Variants in FHIT observed in about 807,000 individuals in gnomAD.
FHIT encodes the protein fragile histidine triad diadenosine triphosphatase.
A neutral mutation model predicts 17.9 loss-of-function variants in FHIT; 19 were observed. That is an observed-to-expected ratio of 1.06 (90% confidence interval 0.74 to 1.56). The LOEUF (loss-of-function observed/expected upper bound fraction) is 1.56. FHIT is among the 40% of genes most tolerant of loss of function. The pLI is 0.00. For missense variants in FHIT, 248 were observed against 189.2 expected, an observed-to-expected ratio of 1.31 and a Z score of -1.82; for synonymous variants, 81 against 69.7, an observed-to-expected ratio of 1.16 and a Z score of -0.81.
intron 5 of FHIT, among the ~76,000 whole-genome samples, chr3:60,027,364 C>T (rs1700795317): frequency 6.6e-6 from 1 of 152,132 alleles, no homozygotes; most frequent in Non-Finnish European, 1.5e-5. Flanking sequence ...CTAAAATTCA[C>T]TCTCATTTTC....
chr3:61,094,123 A>AGTATGTGTGT (rs1553836697), intron 2 of FHIT, among the ~76,000 whole-genome samples: 3 of 150,170 alleles, frequency 2.0e-5, no homozygotes, highest in African/African-American at 7.3e-5. Flanking sequence ...AATGCAACCA[A>AGTATGTGTGT]GTGTGTGTGT....
intron 5 of FHIT, among the ~76,000 whole-genome samples, chr3:60,067,760 A>T (rs1434645972): frequency 6.6e-6 from 1 of 152,206 alleles, no homozygotes; most frequent in Non-Finnish European, 1.5e-5. Flanking sequence ...CCATCATTAA[A>T]TACCCAGTGA....
intron 5 of FHIT, among the ~76,000 whole-genome samples, chr3:60,511,070 A>G (rs2034934300): frequency 1.3e-5 from 2 of 152,200 alleles, no homozygotes; most frequent in Non-Finnish European, 1.5e-5. Context: ...AGAGTGGTCA[A>G]GAATCTAAAC....
rs550010789 is a variant in FHIT at position 60,475,780 on chromosome 3, A to T, written c.103+61080T>A. Among the ~76,000 whole-genome samples the T allele has an allele frequency of 2.0e-5, 3 of 152,350 alleles. No homozygotes were observed. The East Asian group carries it at 5.8e-4, about 29-fold the overall frequency. On this transcript the variant is annotated intron_variant, in intron 5 of 9. Coordinates refer to ENST00000492590, the MANE Select transcript of FHIT (RefSeq NM_002012.4). ...TCTTGAGTGCTGAGCTGACGCCACA[A>T]GTGGAAAATTCCACCCCTGACCTCA...
chr3:60,932,018 A>G (rs1217506986), intron 3 of FHIT, among the ~76,000 whole-genome samples: 1 of 152,182 alleles, frequency 6.6e-6, no homozygotes, highest in East Asian at 1.9e-4. Context: ...AAGTCTAAAT[A>G]TAAGGTCCCA....
At chr3:60,876,012 A>T (rs1704638477) in intron 3 of FHIT, among the ~76,000 whole-genome samples, 1 of 151,026 alleles carries the variant, frequency 6.6e-6, no homozygotes. Context: ...CCAGGCCTCA[A>T]TGCAATCAGA....
intron 5 of FHIT, among the ~76,000 whole-genome samples, chr3:60,092,590 A>G (rs966275871): frequency 1.1e-4 from 16 of 152,190 alleles, no homozygotes; most frequent in African/African-American, 3.6e-4. Context: ...ATCTCAGACC[A>G]AGGGTAAGTA....
intron 5 of FHIT, among the ~76,000 whole-genome samples, chr3:60,124,009 TAGAGAGAGAGAGAGAGAG>T (rs1168094593): frequency 6.6e-4 from 8 of 12,156 alleles, no homozygotes; most frequent in African/African-American, 1.6e-3. Context: ...TATATATATA[TAGAGAGAGAGAGAGAGAG>T]AGAGAGAGAG....
At chr3:61,075,852 A>G (rs772659252) in intron 2 of FHIT, among the ~76,000 whole-genome samples, 12 of 152,318 alleles carry the variant, frequency 7.9e-5, no homozygotes, top group Non-Finnish European at 1.3e-4. Context: ...TTTGAGTCTA[A>G]CAAGGAACTA....
intron 5 of FHIT, among the ~76,000 whole-genome samples, chr3:60,360,440 C>T (rs188609799): frequency 1.2e-4 from 18 of 152,176 alleles, no homozygotes; most frequent in Admixed American, 6.5e-4. Context: ...GTGAAGTGAT[C>T]CATTCAGCCT....
At chr3:60,184,076 C>A (rs2107449313) in intron 5 of FHIT, among the ~76,000 whole-genome samples, 1 of 151,482 alleles carries the variant, frequency 6.6e-6, no homozygotes, top group South Asian at 2.1e-4. Context: ...CAGCCTCAAA[C>A]TCCTGGGCTC....
chr3:61,036,285 G>C (rs1208442352), intron 3 of FHIT, among the ~76,000 whole-genome samples: 1 of 152,072 alleles, frequency 6.6e-6, no homozygotes, highest in Non-Finnish European at 1.5e-5. Context: ...AGCACCAAGG[G>C]ACTGATGCTA....
At chr3:60,729,520 A>T (rs1296515640) in intron 4 of FHIT, among the ~76,000 whole-genome samples, 1 of 152,226 alleles carries the variant, frequency 6.6e-6, no homozygotes, top group Non-Finnish European at 1.5e-5. Context: ...AAAAGTGCCC[A>T]GCCTGGCAGC....
chr3:60,525,439 A>AC (rs2035537294), intron 5 of FHIT, among the ~76,000 whole-genome samples: 1 of 151,996 alleles, frequency 6.6e-6, no homozygotes, highest in South Asian at 2.1e-4. Flanking sequence ...TTGACTGACA[A>AC]CCCCTTTTTT....
intron 4 of FHIT, chr3:60,618,184 G>C (rs1553676741): frequency 6.5e-6 from 1 of 153,552 alleles, no homozygotes; most frequent in Non-Finnish European, 1.4e-5. Flanking sequence ...CTTAACCACA[G>C]ATATATATAT....
intron 8 of FHIT, among the ~76,000 whole-genome samples, chr3:59,801,576 C>A (rs1451293896): frequency 1.3e-5 from 2 of 152,076 alleles, no homozygotes; most frequent in African/African-American, 4.8e-5. Context: ...ACTAGTGCCA[C>A]AGTGTGAGGA....
chr3:59,959,024 C>T (rs1707540633), intron 7 of FHIT, among the ~76,000 whole-genome samples: 1 of 152,188 alleles, frequency 6.6e-6, no homozygotes, highest in Admixed American at 6.5e-5. Context: ...GAAGAGATCA[C>T]TGCTGGAGAC....
intron 3 of FHIT, among the ~76,000 whole-genome samples, chr3:60,991,798 G>GTTA (rs543138477): frequency 3.4e-5 from 3 of 87,848 alleles, no homozygotes; most frequent in South Asian, 3.9e-4. Context: ...AGCTGTTGTT[G>GTTA]TTATTATTAT....
chr3:60,512,356 T>G (rs1365638708), intron 5 of FHIT, among the ~76,000 whole-genome samples: 5 of 152,226 alleles, frequency 3.3e-5, no homozygotes, highest in African/African-American at 1.2e-4. Context: ...AAGTGCCAAT[T>G]AAGCAACCTG....
Sources: allele counts gnomAD v4.1 joint callset (sites outside exome capture counted in the v4.1 genomes callset), GRCh38; gene constraint gnomAD v4.1.1; transcripts MANE v1.5; gene names NCBI Gene and HGNC (gene_info 2026-07-23, HGNC 2026-07-21).